RBMS3: variants seen among roughly 807,000 people sequenced by gnomAD.
RBMS3 encodes RNA-binding motif, single-stranded-interacting protein 3.
In RBMS3, 27 loss-of-function variants were observed where a neutral mutation model predicts 66.8. The ratio of observed to expected loss-of-function variants is 0.40; its 90% CI spans 0.30 to 0.56. The LOEUF (loss-of-function observed/expected upper bound fraction) is 0.56. RBMS3 is among the 20% of genes least tolerant of loss of function. The pLI is 0.40. For synonymous variants in RBMS3, 188 were observed against 183.0 expected (o/e 1.03, Z -0.22); for missense variants, 513 against 549.5 (o/e 0.93, Z 0.66).
At chr3:29,762,785 A>G in intron 5 of RBMS3, 125 bp from the exon 6 acceptor site, 1 of 672,738 alleles carries the variant, frequency 1.5e-6, no homozygotes, top group Non-Finnish European at 2.6e-6. Context: ...GTTCATGAAA[A>G]AAGTTGGCAA....
At chr3:29,419,705 T>C (rs2040622932) in intron 1 of RBMS3, among the ~76,000 whole-genome samples, 1 of 152,228 alleles carries the variant, frequency 6.6e-6, no homozygotes. Flanking sequence ...AATTATCCAT[T>C]ATTCGCCAAA....
intron 6 of RBMS3, among the ~76,000 whole-genome samples, chr3:29,788,578 A>G (rs2056903485): frequency 6.6e-6 from 1 of 152,170 alleles, no homozygotes; most frequent in Non-Finnish European, 1.5e-5. Flanking sequence ...TTTGATGACC[A>G]TATAGTATTC....
intron 1 of RBMS3, among the ~76,000 whole-genome samples, chr3:29,412,561 G>A (rs1332606566): frequency 6.6e-6 from 1 of 152,110 alleles, no homozygotes; most frequent in African/African-American, 2.4e-5. Context: ...AGTCTCCCAA[G>A]AAGAATCATT....
intron 1 of RBMS3, among the ~76,000 whole-genome samples, chr3:29,411,807 C>T (rs1351347118): frequency 2.0e-5 from 3 of 152,204 alleles, no homozygotes; most frequent in Admixed American, 2.0e-4. Flanking sequence ...CATCACCACT[C>T]ACAAATAGCA....
chr3:29,839,092 T>C (rs2058602021), intron 6 of RBMS3, among the ~76,000 whole-genome samples: 1 of 152,184 alleles, frequency 6.6e-6, no homozygotes, highest in Non-Finnish European at 1.5e-5. Context: ...ATGAGTGGAT[T>C]GTTAATACAT....
chr3:29,652,397 G>A (rs143506048), intron 4 of RBMS3, among the ~76,000 whole-genome samples: 6 of 152,150 alleles, frequency 3.9e-5, no homozygotes, highest in East Asian at 3.9e-4. Flanking sequence ...TCCAAAGCAC[G>A]TAGAACCTAG....
intron 2 of RBMS3, among the ~76,000 whole-genome samples, chr3:29,450,925 ACACACACC>A (rs758734164): frequency 0.052 from 6,769 of 129,278 alleles, 472 homozygotes; most frequent in African/African-American, 0.17. Context: ...ACACACACAC[ACACACACC>A]CCCCACACAC....
intron 6 of RBMS3, among the ~76,000 whole-genome samples, chr3:29,784,208 T>C (rs566837846): frequency 3.6e-4 from 55 of 152,252 alleles, no homozygotes; most frequent in Non-Finnish European, 7.7e-4. Context: ...TTAACAGATA[T>C]TTTCAGAACA....
chr3:29,488,343 G>A (rs1303304023), intron 2 of RBMS3, 98 bp from the exon 3 acceptor site: 1 of 937,294 alleles, frequency 1.1e-6, no homozygotes, highest in Non-Finnish European at 1.6e-6. Flanking sequence ...CTTGGTTTAT[G>A]CATGCTCAGT....
At chr3:29,573,469 CT>C (rs2047008848) in intron 3 of RBMS3, among the ~76,000 whole-genome samples, 1 of 151,512 alleles carries the variant, frequency 6.6e-6, no homozygotes, top group Admixed American at 6.6e-5. Context: ...CCTTTTTTTT[CT>C]TCATTAGTCT....
At chr3:29,966,411 T>C (rs890199247) in intron 12 of RBMS3, among the ~76,000 whole-genome samples, 1 of 152,194 alleles carries the variant, frequency 6.6e-6, no homozygotes, top group Non-Finnish European at 1.5e-5. Flanking sequence ...GTTTTGCTTG[T>C]AGAGGTCTTT....
chr3:29,704,745 G>C, intron 4 of RBMS3, among the ~76,000 whole-genome samples: 1 of 152,148 alleles, frequency 6.6e-6, no homozygotes, highest in East Asian at 1.9e-4. Context: ...CAGACTTTCT[G>C]ATTGAAATAA....
intron 8 of RBMS3, among the ~76,000 whole-genome samples, chr3:29,885,389 A>G (rs1559768232): frequency 6.6e-6 from 1 of 151,920 alleles, no homozygotes; most frequent in African/African-American, 2.4e-5. Flanking sequence ...GGGTGTGTAG[A>G]AAGAAGTAAA....
intron 4 of RBMS3, among the ~76,000 whole-genome samples, chr3:29,613,353 C>T (rs527717688): frequency 9.9e-5 from 15 of 152,110 alleles, no homozygotes; most frequent in South Asian, 2.1e-4. Context: ...CACTTGTTAT[C>T]GCTCATCTTT....
intron 9 of RBMS3, among the ~76,000 whole-genome samples, chr3:29,898,671 A>C (rs1287210403): frequency 6.6e-6 from 1 of 151,256 alleles, no homozygotes; most frequent in Non-Finnish European, 1.5e-5. Context: ...TTTCCTTGGC[A>C]TGAGGCTATG....
intron 10 of RBMS3, among the ~76,000 whole-genome samples, chr3:29,934,724 T>C (rs2061220844): frequency 6.6e-6 from 1 of 152,096 alleles, no homozygotes; most frequent in African/African-American, 2.4e-5. Context: ...TAAATGTCTT[T>C]GTGAACAAAG....
intron 1 of RBMS3, among the ~76,000 whole-genome samples, chr3:29,351,567 C>T (rs2036914999): frequency 6.6e-6 from 1 of 151,954 alleles, no homozygotes; most frequent in Admixed American, 6.6e-5. Flanking sequence ...AGATTTTTCA[C>T]TTTGTATTGT....
intron 6 of RBMS3, among the ~76,000 whole-genome samples, chr3:29,783,802 T>A (rs1159452558): frequency 6.6e-6 from 1 of 152,082 alleles, no homozygotes; most frequent in Non-Finnish European, 1.5e-5. Flanking sequence ...TTCAGGAGAC[T>A]CATCTAACAT....
At chr3:29,483,309 C>CAAAA (rs72225547) in intron 2 of RBMS3, among the ~76,000 whole-genome samples, 1 of 75,586 alleles carries the variant, frequency 1.3e-5, no homozygotes. Flanking sequence ...TTCGTCTTAA[C>CAAAA]AAAAAAAAAA....
Sources: allele counts gnomAD v4.1 joint callset (sites outside exome capture counted in the v4.1 genomes callset), GRCh38; gene constraint gnomAD v4.1.1; transcripts MANE v1.5; gene names NCBI Gene and HGNC (gene_info 2026-07-23, HGNC 2026-07-21).